The following CEP63 variants were observed in gnomAD, a reference collection of about 807,000 sequenced individuals.
CEP63 encodes the protein centrosomal protein 63, also known as centrosomal protein of 63 kDa.
In CEP63, 84 loss-of-function variants were observed where a neutral mutation model predicts 89.1. The observed-to-expected ratio is 0.94, with a 90% confidence interval of 0.79 to 1.13. The LOEUF is 1.13. Ranked by LOEUF, CEP63 falls within the 50% of genes most tolerant of loss-of-function variation. The pLI is 0.00. For missense variants in CEP63, 838 were observed against 813.3 expected, an observed-to-expected ratio of 1.03 and a Z score of -0.37; for synonymous variants, 267 against 272.5, an observed-to-expected ratio of 0.98 and a Z score of 0.20.
In CEP63 at chr3:134,488,424, T is replaced by G. The variant is rs60459306; in HGVS notation, c.-26+2222T>G. Reference sequence around the variant, plus strand: ...GAGTTTGAGACCAGTGTGGCCAACATAGTGAAACCCCGTCTCTACTGAAAA... The same window carrying G: ...GAGTTTGAGACCAGTGTGGCCAACAGAGTGAAACCCCGTCTCTACTGAAAA... On this transcript the variant is annotated intron_variant, in intron 1 of 14. Coordinates refer to ENST00000675561, the MANE Select transcript of CEP63 (RefSeq NM_001353108.3). Among the ~76,000 whole-genome samples, 1,437 of 151,984 alleles carry G rather than the reference T, an allele frequency of 9.5e-3. 25 individuals are homozygous for G. The highest frequency in any genetic ancestry group is 0.033 in the African/African-American group (1,357 of 41,454).
At chr3:134,524,089 A>G (rs1334185274) in intron 3 of CEP63, among the ~76,000 whole-genome samples, 2 of 151,614 alleles carry the variant, frequency 1.3e-5, no homozygotes, top group African/African-American at 4.8e-5. Context: ...TATTTTTTCT[A>G]TAGATTTTTC....
chr3:134,782,148 T>C, the CEP63 span, among the ~76,000 whole-genome samples: 1 of 152,342 alleles, frequency 6.6e-6, no homozygotes, highest in Middle Eastern at 3.4e-3. Flanking sequence ...CATATATATG[T>C]TTTGTCCTTT....
At chr3:134,604,039 C>A in the CEP63 span, 1 of 1,614,014 alleles carries the variant, frequency 6.2e-7, no homozygotes, top group Non-Finnish European at 8.5e-7. Context: ...GATGTAGCGC[C>A]GCTGTGTCTC....
At chr3:134,710,730 T>C in the CEP63 span, among the ~76,000 whole-genome samples, 1 of 150,572 alleles carries the variant, frequency 6.6e-6, no homozygotes, top group African/African-American at 2.4e-5. Context: ...TTCTTTCTTT[T>C]TTTTTTTTTT....
chr3:134,746,878 C>T, the CEP63 span, among the ~76,000 whole-genome samples: 17 of 152,256 alleles, frequency 1.1e-4, no homozygotes, highest in South Asian at 4.1e-4. Context: ...CTGTAGGTTG[C>T]CTGTTCACTC....
the CEP63 span, among the ~76,000 whole-genome samples, chr3:134,666,402 G>A: frequency 4.6e-5 from 7 of 152,170 alleles, no homozygotes; most frequent in Non-Finnish European, 8.8e-5. Flanking sequence ...AAAGTCTTTC[G>A]TAGGGATTGT....
chr3:134,486,470 C>G, intron 1 of CEP63: 1 of 985,610 alleles, frequency 1.0e-6, no homozygotes, highest in Non-Finnish European at 1.2e-6. Flanking sequence ...TCTGGCGTGG[C>G]GCAGCCCGGC....
chr3:134,485,989 A>ACGCC, upstream of CEP63: 1 of 822,114 alleles, frequency 1.2e-6, no homozygotes, highest in African/African-American at 5.0e-5. Flanking sequence ...TGCTCCTGCC[A>ACGCC]CGCCCCCCCC....
intron 2 of CEP63, among the ~76,000 whole-genome samples, chr3:134,501,236 A>G (rs977420703): frequency 6.6e-6 from 1 of 152,152 alleles, no homozygotes; most frequent in Admixed American, 6.6e-5. Context: ...TTTGGTTACT[A>G]TAGCATTGTA....
At chr3:134,533,144 A>G (rs1365603057) in intron 5 of CEP63, among the ~76,000 whole-genome samples, 1 of 152,162 alleles carries the variant, frequency 6.6e-6, no homozygotes, top group Non-Finnish European at 1.5e-5. Context: ...AGCATTTGCA[A>G]ATGTACGGAG....
intron 14 of CEP63, among the ~76,000 whole-genome samples, chr3:134,560,325 AT>A (rs1411458530): frequency 2.0e-5 from 3 of 152,210 alleles, no homozygotes; most frequent in Admixed American, 6.5e-5. Context: ...CAGATTTTGT[AT>A]TTGTGAATTT....
the CEP63 span, among the ~76,000 whole-genome samples, chr3:134,697,590 G>A: frequency 1.3e-5 from 2 of 152,158 alleles, no homozygotes; most frequent in African/African-American, 2.4e-5. Flanking sequence ...AGTGTTCCCA[G>A]CACTCATGCT....
the CEP63 span, among the ~76,000 whole-genome samples, chr3:134,597,061 C>G: frequency 2.0e-5 from 3 of 152,128 alleles, no homozygotes; most frequent in African/African-American, 4.8e-5. Context: ...CTAAGGGGCT[C>G]TCAGGGAGAG....
At chr3:134,650,744 G>GCC in the CEP63 span, 1 of 1,315,040 alleles carries the variant, frequency 7.6e-7, no homozygotes, top group Non-Finnish European at 1.0e-6. Flanking sequence ...GGAGCAATGG[G>GCC]CGCCCCCCGG....
chr3:134,635,552 T>C, the CEP63 span, among the ~76,000 whole-genome samples: 3 of 144,954 alleles, frequency 2.1e-5, no homozygotes, highest in Admixed American at 2.1e-4. Flanking sequence ...TTAAGAGTGA[T>C]GGGAGGATTA....
At chr3:134,699,356 G>C in the CEP63 span, among the ~76,000 whole-genome samples, 3 of 152,212 alleles carry the variant, frequency 2.0e-5, no homozygotes, top group Non-Finnish European at 4.4e-5. Flanking sequence ...TGGAAGTTGG[G>C]AGGGGACAGG....
chr3:134,720,798 T>A, the CEP63 span, among the ~76,000 whole-genome samples: 2 of 152,042 alleles, frequency 1.3e-5, no homozygotes, highest in African/African-American at 4.8e-5. Flanking sequence ...AATATAAGAG[T>A]TTATTTCTGG....
chr3:134,637,774 T>C, the CEP63 span, among the ~76,000 whole-genome samples: 1 of 152,218 alleles, frequency 6.6e-6, no homozygotes, highest in African/African-American at 2.4e-5. Context: ...CCCTGAGCCA[T>C]GTCTCTATGG....
downstream of CEP63, among the ~76,000 whole-genome samples, chr3:134,590,200 C>T (rs1174135646): frequency 1.3e-5 from 2 of 151,878 alleles, no homozygotes; most frequent in African/African-American, 4.8e-5. Flanking sequence ...CTCAATTTAC[C>T]TACATAAAAA....
Sources: allele counts gnomAD v4.1 joint callset (sites outside exome capture counted in the v4.1 genomes callset), GRCh38; gene constraint gnomAD v4.1.1; transcripts MANE v1.5; gene names NCBI Gene and HGNC (gene_info 2026-07-23, HGNC 2026-07-21).